The following TBC1D7 variants were observed in gnomAD, a reference collection of about 807,000 sequenced individuals.
The protein encoded by TBC1D7 is TBC domain family 7.
A neutral mutation model predicts 35.3 loss-of-function variants in TBC1D7; 33 were observed. The ratio of observed to expected loss-of-function variants is 0.93; its 90% CI spans 0.71 to 1.25. The LOEUF is 1.25. Ranked by LOEUF, TBC1D7 falls within the 50% of genes most tolerant of loss-of-function variation. TBC1D7 has a pLI of 0.00. For synonymous variants in TBC1D7, 135 were observed against 129.5 expected (o/e 1.04, Z -0.29); for missense variants, 362 against 365.3 (o/e 0.99, Z 0.07).
At chr6:13,320,714 TA>T (rs754872946) in intron 4 of TBC1D7, 193 bp downstream of exon 4, 4 of 688,412 alleles carry the variant, frequency 5.8e-6, no homozygotes, top group African/African-American at 1.8e-5. Flanking sequence ...AAACGTATTT[TA>T]AAAAAACAAA....
chr6:13,325,558 G>C (rs1392309920), intron 2 of TBC1D7, among the ~76,000 whole-genome samples: 1 of 152,246 alleles, frequency 6.6e-6, no homozygotes, highest in East Asian at 1.9e-4. Flanking sequence ...AGCTAGTCAA[G>C]AGGCTGAGAC....
At chr6:13,320,808 G>A in intron 4 of TBC1D7, 100 bp downstream of exon 4, 7 of 1,090,618 alleles carry the variant, frequency 6.4e-6, no homozygotes, top group Non-Finnish European at 9.8e-6. Context: ...ACAACAGGGA[G>A]CCACCAAAAG....
Position 13,307,521 on chromosome 6 carries a change from T to C in TBC1D7, c.665+79A>G, listed in dbSNP as rs1782892009. 2.7e-5 allele frequency: 40 copies of C among 1,457,722 alleles called. No individual in the cohort carries two copies. The East Asian group carries it at 8.9e-4, about 32-fold the overall frequency. The allele number at this position is 1,457,722 out of a possible 1,614,324, so 90.3% of individuals were successfully genotyped here. A position where few individuals can be genotyped will look rare whatever the true frequency, so the allele number is the denominator to read the frequency against. On this transcript the variant is annotated intron_variant, in intron 6 of 7. Coordinates refer to ENST00000379300, the MANE Select transcript of TBC1D7 (RefSeq NM_016495.6). ...GTATTGTTCTAAAGCAAATTTATAATCTGAGGGATGACCACATGAAAGGCC... is the reference window on the plus strand; with the variant it reads ...GTATTGTTCTAAAGCAAATTTATAACCTGAGGGATGACCACATGAAAGGCC...
At chr6:13,317,896 C>T (rs762622942) in intron 4 of TBC1D7, among the ~76,000 whole-genome samples, 3 of 152,202 alleles carry the variant, frequency 2.0e-5, no homozygotes, top group Non-Finnish European at 4.4e-5. Context: ...CTGTCCCCTC[C>T]GAAACTTATG....
chr6:13,307,308 G>C (rs1782876659), intron 6 of TBC1D7: 1 of 263,870 alleles, frequency 3.8e-6, no homozygotes. Context: ...TCTACTGGAG[G>C]AAGATTTGTC....
Position 13,325,125 on chromosome 6 carries a change from C to G in TBC1D7, c.162G>C (p.Met54Ile), listed in dbSNP as rs1312827617. 1 of 1,613,776 alleles carries G rather than the reference C, an allele frequency of 6.2e-7. No individual in the cohort carries two copies. The highest frequency in any genetic ancestry group is 8.5e-7 in the Non-Finnish European group (1 of 1,179,778). The change falls in exon 3 of 8, where the codon ATG becomes ATC. Residue 54 changes from methionine to isoleucine, a missense_variant. Coordinates refer to ENST00000379300, the MANE Select transcript of TBC1D7 (RefSeq NM_016495.6). Reference protein sequence around the residue: ...TFSQRFPLPSMYRALVWKVLL... With the variant: ...TFSQRFPLPSIYRALVWKVLL... ...GCACCTTCCATACCAATGCACGGTA[C>G]ATGGACGGGAGAGGGAACCTCTGAC...
At chr6:13,308,416 G>T (rs1160246231) in intron 5 of TBC1D7, among the ~76,000 whole-genome samples, 2 of 150,244 alleles carry the variant, frequency 1.3e-5, no homozygotes, top group African/African-American at 4.9e-5. Context: ...ATAACTCAGA[G>T]GGAACAAAGC....
chr6:13,327,433 C>T (rs1015214623), intron 1 of TBC1D7, among the ~76,000 whole-genome samples: 2 of 151,990 alleles, frequency 1.3e-5, no homozygotes, highest in African/African-American at 4.8e-5. Context: ...CTTTCTTTTG[C>T]TTAGCTACTT....
Position 13,326,916 on chromosome 6 carries a change from G to A in TBC1D7, c.-8-10C>T, listed in dbSNP as rs558155205. 6.8e-7 allele frequency: 1 copy of A among 1,460,746 alleles called. No homozygotes were observed. Among genetic ancestry groups the A allele is most frequent in the African/African-American group, 1.4e-5 (1 of 71,026 alleles). The allele number at this position is 1,460,746 out of a possible 1,614,324, so 90.5% of individuals were successfully genotyped here. On this transcript the variant is annotated splice_polypyrimidine_tract_variant and intron_variant, in intron 1 of 7. Coordinates refer to ENST00000379300, the MANE Select transcript of TBC1D7 (RefSeq NM_016495.6). Reference sequence around the variant, plus strand: ...TCAGTCATATTTCATTCTTGGAGGAGACACAGAAAGACAGAAAGGGAGAGA... The same window carrying A: ...TCAGTCATATTTCATTCTTGGAGGAAACACAGAAAGACAGAAAGGGAGAGA...
intron 3 of TBC1D7, among the ~76,000 whole-genome samples, chr6:13,324,048 A>G (rs1281177804): frequency 6.6e-6 from 1 of 152,320 alleles, no homozygotes; most frequent in Non-Finnish European, 1.5e-5. Context: ...ATAAGGAGCA[A>G]TCATAGTTTA....
chr6:13,311,142 TACAA>T (rs1469496431), intron 5 of TBC1D7, among the ~76,000 whole-genome samples: 5 of 152,064 alleles, frequency 3.3e-5, no homozygotes, highest in Non-Finnish European at 5.9e-5. Flanking sequence ...TAATAGTGCT[TACAA>T]AAAAAACCTC....
At chr6:13,308,900 T>C (rs892341250) in intron 5 of TBC1D7, among the ~76,000 whole-genome samples, 5 of 152,120 alleles carry the variant, frequency 3.3e-5, no homozygotes, top group African/African-American at 4.8e-5. Flanking sequence ...GCACAAGATG[T>C]TGGGTACATC....
At chr6:13,315,747 T>C (rs1208261376) in intron 5 of TBC1D7, among the ~76,000 whole-genome samples, 1 of 152,180 alleles carries the variant, frequency 6.6e-6, no homozygotes, top group Non-Finnish European at 1.5e-5. Flanking sequence ...AAAATATGTG[T>C]ACAAAATATG....
At chr6:13,310,942 T>G (rs1451645738) in intron 5 of TBC1D7, among the ~76,000 whole-genome samples, 1 of 152,210 alleles carries the variant, frequency 6.6e-6, no homozygotes, top group Non-Finnish European at 1.5e-5. Context: ...TATAGATAGA[T>G]GTGATTTATT....
At chr6:13,311,015 A>C (rs1203278906) in intron 5 of TBC1D7, among the ~76,000 whole-genome samples, 1 of 152,200 alleles carries the variant, frequency 6.6e-6, no homozygotes, top group Non-Finnish European at 1.5e-5. Flanking sequence ...TATGACCCCC[A>C]TAGTCTTACT....
At position 13,316,711 on chromosome 6, in the gene TBC1D7, G is replaced by T; in HGVS notation, c.382-3C>A. On this transcript the variant is annotated splice_region_variant and splice_polypyrimidine_tract_variant and intron_variant, in intron 4 of 7. Coordinates refer to ENST00000379300, the MANE Select transcript of TBC1D7 (RefSeq NM_016495.6). ...AGAAACACTTCATCATCTGGCTCCT[G>T]AAAGATTAATAATAAATCTCAAGAG... 1 of 1,613,346 alleles carries T rather than the reference G, an allele frequency of 6.2e-7. No homozygotes were observed. The highest frequency in any genetic ancestry group is 8.5e-7 in the Non-Finnish European group (1 of 1,179,758).
chr6:13,320,898 G>A lies in TBC1D7; in HGVS notation c.381+10C>T, dbSNP rs1323001369. ...GTTGAGCTTAGTGTCAGACAAAAGT[G>A]ACCACTAACCAGTGGAAAAGAGGGA... On this transcript the variant is annotated intron_variant, in intron 4 of 7. Coordinates refer to ENST00000379300, the MANE Select transcript of TBC1D7 (RefSeq NM_016495.6). 4.3e-6 allele frequency: 7 copies of A among 1,612,298 alleles called. No homozygotes were observed. In the East Asian group the frequency reaches 1.3e-4, roughly 31 times the overall value.
Position 13,316,332 on chromosome 6 carries a change from C to T in TBC1D7, c.519+239G>A, listed in dbSNP as rs968791647. 4.6e-5 allele frequency among the ~76,000 whole-genome samples: 7 copies of T among 152,172 alleles called. No individual in the cohort carries two copies. In the South Asian group the frequency reaches 6.2e-4, roughly 14 times the overall value. Reference sequence around the variant, plus strand: ...ATCCAGCCAGGAACATTATTTTATGCGTTGCCTAAGGTTGCTTTTGTGCAA... The same window carrying T: ...ATCCAGCCAGGAACATTATTTTATGTGTTGCCTAAGGTTGCTTTTGTGCAA... On this transcript the variant is annotated intron_variant, in intron 5 of 7. Transcript: ENST00000379300.
At chr6:13,309,271 A>C (rs891252301) in intron 5 of TBC1D7, among the ~76,000 whole-genome samples, 1 of 152,214 alleles carries the variant, frequency 6.6e-6, no homozygotes, top group Non-Finnish European at 1.5e-5. Context: ...TTTCATCCAA[A>C]AGTCAGTACA....
Sources: gnomAD v4.1 joint callset for allele counts (sites outside exome capture counted in the v4.1 genomes callset) on GRCh38, gnomAD v4.1.1 for gene constraint, MANE v1.5 for transcripts, NCBI Gene and HGNC (gene_info 2026-07-23, HGNC 2026-07-21) for gene names.